YEATS4: variants seen among roughly 807,000 people sequenced by gnomAD.
YEATS4 encodes the protein YEATS domain containing 4, also known as YEATS domain-containing protein 4.
YEATS4 carries 17 observed loss-of-function variants against 30.1 expected under a neutral mutation model. The ratio of observed to expected loss-of-function variants is 0.56; its 90% CI spans 0.39 to 0.85. The LOEUF is 0.85. Among genes scored for constraint, YEATS4 ranks in the 40% least tolerant of loss-of-function variants. The pLI is 0.00. For missense variants in YEATS4, 142 were observed against 268.3 expected (o/e 0.53, Z 3.29); for synonymous variants, 85 against 87.5 (o/e 0.97, Z 0.16).
chr12:69,415,391 A>G, the YEATS4 span, among the ~76,000 whole-genome samples: 2 of 152,174 alleles, frequency 1.3e-5, no homozygotes, highest in Non-Finnish European at 2.9e-5. Flanking sequence ...CCTGGCCAAC[A>G]TGGTGAAACC....
chr12:69,384,748 T>C (rs1221318877), intron 6 of YEATS4, among the ~76,000 whole-genome samples: 1 of 152,216 alleles, frequency 6.6e-6, no homozygotes, highest in African/African-American at 2.4e-5. Flanking sequence ...ATTAAGTATA[T>C]TTAATTTCTG....
chr12:69,421,597 C>T, the YEATS4 span, among the ~76,000 whole-genome samples: 3 of 152,132 alleles, frequency 2.0e-5, no homozygotes, highest in African/African-American at 7.2e-5. Flanking sequence ...GGAGATGGAG[C>T]AAACACCTGT....
chr12:69,406,017 T>A, the YEATS4 span, among the ~76,000 whole-genome samples: 1 of 152,218 alleles, frequency 6.6e-6, no homozygotes. Context: ...ACTATATGAA[T>A]GTTCTATGAT....
the YEATS4 span, among the ~76,000 whole-genome samples, chr12:69,419,381 T>C: frequency 2.0e-5 from 3 of 151,874 alleles, no homozygotes. Flanking sequence ...CCACCACAGC[T>C]GGCTAATTTT....
At chr12:69,397,069 C>T in the YEATS4 span, among the ~76,000 whole-genome samples, 4 of 152,228 alleles carry the variant, frequency 2.6e-5, no homozygotes, top group East Asian at 1.9e-4. Context: ...ATAATGCTGG[C>T]CATCTGCTAA....
chr12:69,415,889 T>C, the YEATS4 span, among the ~76,000 whole-genome samples: 1 of 152,348 alleles, frequency 6.6e-6, no homozygotes, highest in South Asian at 2.1e-4. Flanking sequence ...TAAGATGCCA[T>C]GAGCATTGCT....
At chr12:69,362,993 T>G in intron 2 of YEATS4, 86 bp downstream of exon 2, 1 of 1,241,158 alleles carries the variant, frequency 8.1e-7, no homozygotes. Context: ...TTTTTTTTTT[T>G]TTTTTTTTTT....
At chr12:69,365,115 A>G (rs1247992864) in intron 2 of YEATS4, among the ~76,000 whole-genome samples, 1 of 152,178 alleles carries the variant, frequency 6.6e-6, no homozygotes, top group Non-Finnish European at 1.5e-5. Flanking sequence ...ATTACAAATC[A>G]TAAAAGAATT....
chr12:69,402,484 C>T, the YEATS4 span, among the ~76,000 whole-genome samples: 34 of 152,258 alleles, frequency 2.2e-4, no homozygotes, highest in Admixed American at 4.6e-4. Flanking sequence ...CCCAGGACTG[C>T]TCTGTCCAGT....
At chr12:69,361,928 T>C (rs950056341) in intron 1 of YEATS4, among the ~76,000 whole-genome samples, 1 of 152,212 alleles carries the variant, frequency 6.6e-6, no homozygotes, top group South Asian at 2.1e-4. Context: ...GTAATATTTA[T>C]TGTAACATTT....
At chr12:69,364,078 G>C in intron 2 of YEATS4, 1 of 387,652 alleles carries the variant, frequency 2.6e-6, no homozygotes, top group Non-Finnish European at 5.1e-6. Context: ...ATTGAGGTAA[G>C]TGCTAATGGA....
chr12:69,410,526 A>G, the YEATS4 span, among the ~76,000 whole-genome samples: 1 of 152,218 alleles, frequency 6.6e-6, no homozygotes, highest in Non-Finnish European at 1.5e-5. Context: ...GTGCCACATA[A>G]TTGTTGGAGT....
At chr12:69,391,529 G>T (rs1180858157), downstream of YEATS4, among the ~76,000 whole-genome samples, 1 of 152,104 alleles carries the variant, frequency 6.6e-6, no homozygotes, top group Admixed American at 6.6e-5. Context: ...TTTTTTATCT[G>T]TCTGCCCTGA....
the YEATS4 span, among the ~76,000 whole-genome samples, chr12:69,417,406 C>A: frequency 6.6e-6 from 1 of 151,884 alleles, no homozygotes; most frequent in South Asian, 2.1e-4. Flanking sequence ...GTAATCCTCC[C>A]GCCTCAGCCT....
chr12:69,365,911 T>C (rs752325814), intron 4 of YEATS4, 27 bp downstream of exon 4: 1 of 1,469,624 alleles, frequency 6.8e-7, no homozygotes, highest in Non-Finnish European at 9.3e-7. Context: ...TTTGTAAATA[T>C]AAAATAGATT....
the YEATS4 span, among the ~76,000 whole-genome samples, chr12:69,405,548 T>A: frequency 6.6e-6 from 1 of 152,220 alleles, no homozygotes; most frequent in South Asian, 2.1e-4. Flanking sequence ...TCACTACTCT[T>A]GCGCTTTGGG....
At chr12:69,373,669 TTATAGGGTATTACA>T (rs1875732723) in intron 6 of YEATS4, among the ~76,000 whole-genome samples, 1 of 152,210 alleles carries the variant, frequency 6.6e-6, no homozygotes, top group African/African-American at 2.4e-5. Flanking sequence ...TTGCCTGTGT[TTATAGGGTATTACA>T]CAAGAAATCT....
At chr12:69,402,699 C>A in the YEATS4 span, among the ~76,000 whole-genome samples, 2 of 150,250 alleles carry the variant, frequency 1.3e-5, no homozygotes, top group Non-Finnish European at 3.0e-5. Flanking sequence ...ATTTTCCTTC[C>A]TTTGCTATTT....
At chr12:69,370,847 A>G (rs1875611346) in intron 5 of YEATS4, 41 bp from the exon 6 acceptor site, 1 of 1,601,320 alleles carries the variant, frequency 6.2e-7, no homozygotes, top group African/African-American at 1.4e-5. Context: ...AAGTTGGAGA[A>G]CTTTGAAGTT....
Sources: allele counts gnomAD v4.1 joint callset (sites outside exome capture counted in the v4.1 genomes callset), GRCh38; gene constraint gnomAD v4.1.1; transcripts MANE v1.5; gene names NCBI Gene and HGNC (gene_info 2026-07-23, HGNC 2026-07-21).